INTS1: variants seen among roughly 807,000 people sequenced by gnomAD.
INTS1 encodes the protein integrator complex subunit 1.
In INTS1, 137 loss-of-function variants were observed where a neutral mutation model predicts 241.6. The observed-to-expected ratio is 0.57, with a 90% CI of 0.49 to 0.65. The LOEUF (loss-of-function observed/expected upper bound fraction) is 0.65. Ranked by LOEUF, INTS1 falls within the 30% of genes least tolerant of loss-of-function variation. The pLI is 0.00. For synonymous variants in INTS1, 1,692 were observed against 1,337.8 expected (o/e 1.26, Z -5.78); for missense variants, 3,073 against 3,032.2 (o/e 1.01, Z -0.32).
At position 1,481,332 on chromosome 7, in the gene INTS1, G is replaced by A. The variant is rs201224223; in HGVS notation, c.3850+10C>T. ...GTGTGAACCCACTCCGCAGGTCCCT[G>A]GCATCTTACTCTTGTCCATGATGTT... On this transcript the variant is annotated intron_variant, in intron 28 of 47. Transcript: ENST00000404767. This position sits in a 1 kb window ranked among gnomAD's most constrained non-coding sequence, Gnocchi z 6.8. The A allele has an allele frequency of 2.1e-5, 34 of 1,612,760 alleles. No homozygotes were observed. The East Asian group carries it at 6.9e-4, about 33-fold the overall frequency.
chr7:1,503,861 C>CCCCAAAGACG (rs745557678), intron 2 of INTS1, 42 bp downstream of exon 2: 1 of 1,490,898 alleles, frequency 6.7e-7, no homozygotes, highest in South Asian at 1.2e-5. Context: ...CCCCAAAGAC[C>CCCCAAAGACG]CCCAAAGACC....
Position 1,493,863 on chromosome 7 carries a change from C to G in INTS1, c.1959G>C (p.Leu653=), listed in dbSNP as rs767285778. The G allele has an allele frequency of 5.7e-6, 9 of 1,566,792 alleles. No homozygotes were observed. The highest frequency in any genetic ancestry group is 2.4e-5 in the South Asian group (2 of 85,058). ...ACAGCCCGATGACCAGGATGCGCAT[C>G]AGCGTGTCCTCCAAAATGGGCACCT... ...CSEVPILEDT[L]MRILVIGLSR... is the part of the protein sequence containing the mutation. Residue 653 remains leucine (L), a synonymous_variant, in exon 15 of 48, where the codon CTG becomes CTC. Transcript: ENST00000404767. This position sits in a 1 kb window ranked among gnomAD's most constrained non-coding sequence, Gnocchi z 5.3.
chr7:1,503,838 G>A lies in INTS1; in HGVS notation c.58+65C>T, dbSNP rs965834741. 78 of 1,225,790 alleles carry A rather than the reference G, an allele frequency of 6.4e-5. 1 individual carries two copies. Among genetic ancestry groups the A allele is most frequent in the Admixed American group, 4.5e-4 (20 of 44,688 alleles). The allele number at this position is 1,225,790 out of a possible 1,614,324, so 75.9% of individuals were successfully genotyped here. ...CCAACGCAGGATCCGCGGCAGCTGA[G>A]ATCCCCAAAGACCCCCAAAGACCCC... On this transcript the variant is annotated intron_variant, in intron 2 of 47. Transcript: ENST00000404767.
chr7:1,496,463 G>A (rs1039760433), intron 11 of INTS1, among the ~76,000 whole-genome samples, 199 bp from the exon 12 acceptor site: 15 of 151,120 alleles, frequency 9.9e-5, no homozygotes, highest in Middle Eastern at 3.4e-3. Context: ...GGCGCGGCAC[G>A]GGGTCTGTAT....
At position 1,496,191 on chromosome 7, in the gene INTS1, TC is replaced by T; in HGVS notation, c.1675del (p.Glu559ArgfsTer95). The T allele has an allele frequency of 6.2e-7, 1 of 1,613,826 alleles. No homozygotes were observed. The highest frequency in any genetic ancestry group is 8.5e-7 in the Non-Finnish European group (1 of 1,179,802). ...TCCTTTGTCCCAGGCGATGCCGGCC[TC>T]CTTCACCTGCGCTGTGATGCCCAGC... ...MMLGITAQVK[E>X]AGIAWDKGEK... On this transcript the variant is annotated frameshift_variant, in exon 12 of 48. Transcript: ENST00000404767. LOFTEE classifies it high-confidence loss of function.
chr7:1,484,407 G>A lies in INTS1; in HGVS notation c.3262-237C>T, dbSNP rs568458640. 7.9e-5 allele frequency among the ~76,000 whole-genome samples: 12 copies of A among 152,342 alleles called. 1 individual carries two copies. Among genetic ancestry groups the A allele is most frequent in the African/African-American group, 2.9e-4 (12 of 41,578 alleles). ...GGACAATGACCAGGCCCTGAAAGCG[G>A]ACGCTGCTGCCCTCTGCCCGGCAGC... is the stretch of plus-strand genomic sequence containing the variant. On this transcript the variant is annotated intron_variant, in intron 24 of 47. Coordinates refer to ENST00000404767, the MANE Select transcript of INTS1 (RefSeq NM_001080453.3).
At chr7:1,472,454 C>A in intron 43 of INTS1, 68 bp from the exon 44 acceptor site, 1 of 1,151,178 alleles carries the variant, frequency 8.7e-7, no homozygotes, top group Non-Finnish European at 1.2e-6. Flanking sequence ...GGCACCAGGA[C>A]CTGCCCTCCC....
At chr7:1,482,921 G>A in intron 26 of INTS1, 1 of 580,310 alleles carries the variant, frequency 1.7e-6, no homozygotes, top group Non-Finnish European at 3.0e-6. Context: ...AGGAAGGCAA[G>A]CAGCATCACT....
Position 1,476,412 on chromosome 7 carries a change from A to T in INTS1, c.5195T>A (p.Leu1732His). Residue 1732 changes from leucine to histidine, a missense_variant, in exon 38 of 48, where the codon CTC (leucine) becomes CAC (histidine). Transcript: ENST00000404767. The part of the protein sequence containing the change: ...ELVLRVQGPE[L>H]ISLVELILAE... Reference sequence around the variant, plus strand: ...CAGGATCAGCTCCACCAGGCTGATGAGCTCCGGGCCCTGGACCCGCAGCAC... The same window carrying T: ...CAGGATCAGCTCCACCAGGCTGATGTGCTCCGGGCCCTGGACCCGCAGCAC... 1 of 1,573,308 alleles carries T rather than the reference A, an allele frequency of 6.4e-7. No individual in the cohort carries two copies. The highest frequency in any genetic ancestry group is 1.8e-5 in the Admixed American group (1 of 56,092).
At chr7:1,494,414 C>T (rs374686494) in intron 14 of INTS1, 3 of 285,042 alleles carry the variant, frequency 1.1e-5, no homozygotes, top group East Asian at 1.7e-4. Flanking sequence ...ACCCATGGGG[C>T]TTGAAGGGGG....
At chr7:1,474,135 G>A (rs1196898100) in intron 41 of INTS1, 33 bp downstream of exon 41, 2 of 1,534,100 alleles carry the variant, frequency 1.3e-6, no homozygotes, top group East Asian at 2.3e-5. Context: ...GGGAGTGGAA[G>A]GGAGCGCGAG....
intron 2 of INTS1, among the ~76,000 whole-genome samples, chr7:1,503,603 C>A (rs905188802): frequency 2.0e-5 from 3 of 152,254 alleles, no homozygotes; most frequent in South Asian, 2.1e-4. Context: ...CCGTGCTACG[C>A]TACACTGTGC....
intron 31 of INTS1, 63 bp from the exon 32 acceptor site, chr7:1,478,948 G>A: frequency 3.3e-6 from 5 of 1,526,848 alleles, no homozygotes; most frequent in East Asian, 4.7e-5. Context: ...CGGCACCCGA[G>A]GCCCAGAGCA....
At chr7:1,471,999 A>C (rs1781491541) in intron 44 of INTS1, among the ~76,000 whole-genome samples, 1 of 151,606 alleles carries the variant, frequency 6.6e-6, no homozygotes, top group African/African-American at 2.4e-5. Flanking sequence ...CACCCGCCTG[A>C]CCTCTTCCTG....
intron 14 of INTS1, chr7:1,494,351 C>G: frequency 4.0e-6 from 1 of 250,858 alleles, no homozygotes; most frequent in South Asian, 5.7e-5. Context: ...GGTGAACTGG[C>G]AGGAGCCCCA....
intron 25 of INTS1, 23 bp from the exon 26 acceptor site, chr7:1,483,876 A>G (rs1782116339): frequency 1.9e-6 from 3 of 1,601,204 alleles, no homozygotes; most frequent in Non-Finnish European, 2.6e-6. Flanking sequence ...AGGTGGAGTC[A>G]GGCCGTAAGG....
chr7:1,503,904 T>G lies in INTS1; in HGVS notation c.57A>C (p.Ser19=). The G allele has an allele frequency of 6.5e-7, 1 of 1,527,900 alleles. No homozygotes were observed. Among genetic ancestry groups the G allele is most frequent in the Non-Finnish European group, 8.8e-7 (1 of 1,139,634 alleles). 94.6% of individuals were successfully genotyped at this position (1,527,900 alleles called of 1,614,324 possible). A position where few individuals can be genotyped will look rare whatever the true frequency, so the allele number is the denominator to read the frequency against. ...TGCAGAGCGAGGAGGGAGACGCACCTGAGGGTTTGGCCGCGGCGCTGGGCC... is the reference window on the plus strand; with the variant it reads ...TGCAGAGCGAGGAGGGAGACGCACCGGAGGGTTTGGCCGCGGCGCTGGGCC... ...VRRPSAAAKP[S]GHPPPGDFIA... The change falls in exon 2 of 48, where the codon TCA becomes TCC. Residue 19 remains serine, a splice_region_variant and synonymous_variant. Coordinates refer to ENST00000404767, the MANE Select transcript of INTS1 (RefSeq NM_001080453.3).
At chr7:1,480,650 G>T (rs1781949210) in intron 29 of INTS1, among the ~76,000 whole-genome samples, 185 bp downstream of exon 29, 1 of 152,196 alleles carries the variant, frequency 6.6e-6, no homozygotes, top group Admixed American at 6.5e-5. Context: ...ATGCTGGCCA[G>T]AGGCAAATGC....
chr7:1,472,683 A>G (rs145919698), intron 43 of INTS1, among the ~76,000 whole-genome samples: 14 of 152,330 alleles, frequency 9.2e-5, no homozygotes, highest in Non-Finnish European at 1.9e-4. Flanking sequence ...CCGGCGGCAC[A>G]GGAGAGACGT....
Sources: gnomAD v4.1 joint callset for allele counts (sites outside exome capture counted in the v4.1 genomes callset) on GRCh38, gnomAD v4.1.1 for gene constraint, Gnocchi (gnomAD v3.1) non-coding constraint, MANE v1.5 for transcripts, NCBI Gene and HGNC (gene_info 2026-07-23, HGNC 2026-07-21) for gene names.